GRID2: variants seen among roughly 807,000 people sequenced by gnomAD.
The protein encoded by GRID2 is glutamate receptor ionotropic, delta-2.
GRID2 carries 33 observed loss-of-function variants against 114.8 expected under a neutral mutation model. That is an observed-to-expected ratio of 0.29 (90% CI 0.22 to 0.38). The LOEUF is 0.38. GRID2 is among the 10% of genes least tolerant of loss of function. GRID2 has a pLI of 1.00. For missense variants in GRID2, 1,184 were observed against 1,257.7 expected (o/e 0.94, Z 0.89); for synonymous variants, 505 against 449.9 (o/e 1.12, Z -1.55).
chr4:93,185,086 T>C (rs950700798), intron 4 of GRID2, among the ~76,000 whole-genome samples: 1 of 152,180 alleles, frequency 6.6e-6, no homozygotes, highest in Non-Finnish European at 1.5e-5. Flanking sequence ...ATAGTTATGG[T>C]AGGTAAAGTA....
intron 2 of GRID2, among the ~76,000 whole-genome samples, chr4:92,741,991 G>C (rs1736914210): frequency 6.6e-6 from 1 of 152,076 alleles, no homozygotes; most frequent in Non-Finnish European, 1.5e-5. Flanking sequence ...ATATTTCACT[G>C]ATGTTACTGT....
Position 93,383,084 on chromosome 4 carries a change from A to G in GRID2, c.1246-12523A>G, listed in dbSNP as rs527528338. On this transcript the variant is annotated intron_variant, in intron 8 of 15. Coordinates refer to ENST00000282020, the MANE Select transcript of GRID2 (RefSeq NM_001510.4). ...TGTGGTTGCTTTTAAATGTCTTAGT[A>G]TTTAATGTCTACCTCCAAAAAGAGG... Among the ~76,000 whole-genome samples, 3 of 152,158 alleles carry G rather than the reference A, an allele frequency of 2.0e-5. No homozygotes were observed. The South Asian group carries it at 6.2e-4, about 32-fold the overall frequency.
At chr4:93,602,696 C>A (rs1431651307) in intron 13 of GRID2, among the ~76,000 whole-genome samples, 1 of 152,156 alleles carries the variant, frequency 6.6e-6, no homozygotes, top group Non-Finnish European at 1.5e-5. Flanking sequence ...CCTCCCTAAT[C>A]CCTGAGACAT....
intron 2 of GRID2, among the ~76,000 whole-genome samples, chr4:92,994,987 A>AT (rs940861526): frequency 1.3e-3 from 190 of 150,478 alleles, no homozygotes; most frequent in African/African-American, 3.7e-3. Flanking sequence ...GCAAACATGT[A>AT]TTTTTTTTTT....
intron 1 of GRID2, among the ~76,000 whole-genome samples, chr4:92,405,215 A>G (rs1730969445): frequency 6.6e-6 from 1 of 152,226 alleles, no homozygotes; most frequent in African/African-American, 2.4e-5. Context: ...CCATCCATGC[A>G]AAGTGCAAAT....
chr4:93,347,055 G>A (rs971518657), intron 8 of GRID2, among the ~76,000 whole-genome samples: 12 of 151,988 alleles, frequency 7.9e-5, no homozygotes, highest in African/African-American at 2.7e-4. Flanking sequence ...CACCACTGCG[G>A]CGCGGAGCTC....
intron 2 of GRID2, among the ~76,000 whole-genome samples, chr4:93,043,770 G>A (rs1162113185): frequency 6.6e-6 from 1 of 151,940 alleles, no homozygotes; most frequent in African/African-American, 2.4e-5. Context: ...TCGTGGGGTG[G>A]GGGGAGCGGG....
intron 2 of GRID2, among the ~76,000 whole-genome samples, chr4:92,898,241 CAA>C (rs1747312848): frequency 6.6e-6 from 1 of 152,032 alleles, no homozygotes; most frequent in South Asian, 2.1e-4. Context: ...CCGTACCCAG[CAA>C]AATGAGAACA....
intron 8 of GRID2, among the ~76,000 whole-genome samples, chr4:93,261,811 G>T (rs1750284726): frequency 6.6e-6 from 1 of 151,336 alleles, no homozygotes; most frequent in Admixed American, 6.6e-5. Context: ...AATATTTTAG[G>T]CTTTGTGGGC....
intron 1 of GRID2, among the ~76,000 whole-genome samples, chr4:92,447,270 T>C (rs1234047486): frequency 6.6e-6 from 1 of 152,004 alleles, no homozygotes; most frequent in East Asian, 1.9e-4. Flanking sequence ...AAAAAACTAG[T>C]CCAATGAAAT....
At chr4:92,322,807 T>C (rs897927701) in intron 1 of GRID2, among the ~76,000 whole-genome samples, 2 of 152,194 alleles carry the variant, frequency 1.3e-5, no homozygotes, top group African/African-American at 4.8e-5. Context: ...TTGTTTTGGC[T>C]ATGTTTTATT....
At chr4:92,548,278 T>G (rs1309135489) in intron 1 of GRID2, among the ~76,000 whole-genome samples, 1 of 152,132 alleles carries the variant, frequency 6.6e-6, no homozygotes, top group Admixed American at 6.6e-5. Flanking sequence ...TGCTCAGCAC[T>G]GCACTTGCCA....
chr4:93,726,761 T>C (rs1259054092), intron 14 of GRID2, among the ~76,000 whole-genome samples: 1 of 152,028 alleles, frequency 6.6e-6, no homozygotes, highest in Non-Finnish European at 1.5e-5. Context: ...TGAATGGGAG[T>C]TCACTCATGA....
intron 2 of GRID2, among the ~76,000 whole-genome samples, chr4:93,084,180 C>T (rs1730127975): frequency 6.6e-6 from 1 of 152,034 alleles, no homozygotes; most frequent in Non-Finnish European, 1.5e-5. Context: ...TACCTCTTCA[C>T]TCTTTTTTCT....
intron 2 of GRID2, among the ~76,000 whole-genome samples, chr4:92,614,680 A>ATCGG (rs1340817500): frequency 1.3e-5 from 2 of 151,614 alleles, no homozygotes; most frequent in African/African-American, 4.8e-5. Flanking sequence ...TGTATTTGCT[A>ATCGG]TTATTGGGTA....
At chr4:92,635,744 G>T (rs943703411) in intron 2 of GRID2, among the ~76,000 whole-genome samples, 3 of 152,012 alleles carry the variant, frequency 2.0e-5, no homozygotes, top group Admixed American at 2.0e-4. Flanking sequence ...CATTTTTAGT[G>T]ATTGAAAATG....
chr4:92,944,572 C>T (rs1751464483), intron 2 of GRID2, among the ~76,000 whole-genome samples: 1 of 152,192 alleles, frequency 6.6e-6, no homozygotes, highest in Admixed American at 6.5e-5. Flanking sequence ...GTGCGCTGCA[C>T]CCACTGTCTG....
intron 9 of GRID2, among the ~76,000 whole-genome samples, chr4:93,419,406 A>C (rs1174169854): frequency 3.3e-5 from 5 of 152,012 alleles, no homozygotes; most frequent in Admixed American, 2.0e-4. Flanking sequence ...AGAAGGAACA[A>C]GTATCTTTTC....
chr4:93,677,242 GC>G (rs1393739009), intron 14 of GRID2, among the ~76,000 whole-genome samples: 7 of 152,326 alleles, frequency 4.6e-5, no homozygotes, highest in Non-Finnish European at 8.8e-5. Flanking sequence ...GCCCGCCATT[GC>G]CCAGGCTCCC....
Sources: allele counts gnomAD v4.1 joint callset (sites outside exome capture counted in the v4.1 genomes callset), GRCh38; gene constraint gnomAD v4.1.1; transcripts MANE v1.5; gene names NCBI Gene and HGNC (gene_info 2026-07-23, HGNC 2026-07-21).